FAF2: variants seen among roughly 807,000 people sequenced by gnomAD.
FAF2 encodes Fas associated factor family member 2.
A neutral mutation model predicts 62.3 loss-of-function variants in FAF2; 9 were observed. The ratio of observed to expected loss-of-function variants is 0.14; its 90% CI spans 0.09 to 0.25. The LOEUF (loss-of-function observed/expected upper bound fraction) is 0.25. Among genes scored for constraint, FAF2 ranks in the 10% least tolerant of loss-of-function variants. The pLI, the probability that FAF2 is intolerant of heterozygous loss-of-function variation, is 1.00. For missense variants in FAF2, 368 were observed against 556.2 expected (o/e 0.66, Z 3.40); for synonymous variants, 202 against 198.0 (o/e 1.02, Z -0.17).
intron 1 of FAF2, among the ~76,000 whole-genome samples, chr5:176,455,310 G>A (rs909392089): frequency 6.6e-6 from 1 of 152,000 alleles, no homozygotes; most frequent in African/African-American, 2.4e-5. Context: ...TCGTAGTGGC[G>A]CATGCCTGTG....
At chr5:176,497,942 G>C (rs1454090385) in intron 8 of FAF2, among the ~76,000 whole-genome samples, 1 of 152,154 alleles carries the variant, frequency 6.6e-6, no homozygotes, top group Non-Finnish European at 1.5e-5. Flanking sequence ...TTGAACTCAG[G>C]AGTTTGAGGT....
intron 1 of FAF2, among the ~76,000 whole-genome samples, chr5:176,456,400 A>G (rs1477512837): frequency 1.3e-5 from 2 of 152,164 alleles, no homozygotes; most frequent in Non-Finnish European, 2.9e-5. Flanking sequence ...CTTAAAATGA[A>G]CAACTCAATC....
intron 1 of FAF2, among the ~76,000 whole-genome samples, chr5:176,457,939 G>A (rs1758305147): frequency 6.6e-6 from 1 of 152,144 alleles, no homozygotes. Flanking sequence ...CATATGCATT[G>A]CCACTGCCTC....
At chr5:176,488,701 G>A (rs1375603007) in intron 3 of FAF2, among the ~76,000 whole-genome samples, 5 of 152,150 alleles carry the variant, frequency 3.3e-5, no homozygotes, top group African/African-American at 1.2e-4. Context: ...GGGATTACAG[G>A]CAGGAGATAC....
At chr5:176,505,731 A>C (rs918675812) in intron 10 of FAF2, among the ~76,000 whole-genome samples, 2 of 152,114 alleles carry the variant, frequency 1.3e-5, no homozygotes, top group Admixed American at 1.3e-4. Flanking sequence ...TTCCATTTCT[A>C]CTTACTTCGC....
chr5:176,459,250 CTTTTTTTTT>C (rs11386560), intron 1 of FAF2, among the ~76,000 whole-genome samples: 2 of 116,422 alleles, frequency 1.7e-5, no homozygotes, highest in Admixed American at 1.0e-4. Flanking sequence ...TCCAGTTAAC[CTTTTTTTTT>C]TTTTTTTTTT....
chr5:176,490,838 TGAG>T (rs1758960582), intron 4 of FAF2, among the ~76,000 whole-genome samples: 2 of 54,338 alleles, frequency 3.7e-5, no homozygotes, highest in African/African-American at 1.6e-4. Context: ...TATTGTGTAA[TGAG>T]GAAAAAAAAA....
chr5:176,489,715 T>G (rs140079721), intron 4 of FAF2, among the ~76,000 whole-genome samples: 2,067 of 152,150 alleles, frequency 0.014, 46 homozygotes, highest in African/African-American at 0.047. Flanking sequence ...TTTTTGTATT[T>G]TTAGTAGAGA....
chr5:176,495,534 C>T (rs1336727942), intron 7 of FAF2, among the ~76,000 whole-genome samples: 1 of 134,150 alleles, frequency 7.5e-6, no homozygotes, highest in South Asian at 2.3e-4. Flanking sequence ...TTTTTTGAGA[C>T]CAAGTTTTAC....
Position 176,488,876 on chromosome 5 carries a change from A to G in FAF2, c.268-75A>G. On this transcript the variant is annotated intron_variant, in intron 3 of 10. Coordinates refer to ENST00000261942, the MANE Select transcript of FAF2 (RefSeq NM_014613.3). ...ACATGGAAGGACCAAAAAGAGTGAG[A>G]AAATCTGACCTAGCCATTTGATAAA... The G allele has an allele frequency of 4.1e-6, 5 of 1,226,474 alleles. 2 individuals are homozygous for G. The South Asian group carries it at 6.2e-5, about 15-fold the overall frequency. The allele number at this position is 1,226,474 out of a possible 1,614,324, so 76.0% of individuals were successfully genotyped here.
chr5:176,506,941 T>C lies in FAF2; in HGVS notation c.1329T>C (p.Thr443=). Residue 443 remains threonine, a synonymous_variant, in exon 11 of 11, where the codon ACT becomes ACC. Coordinates refer to ENST00000261942, the MANE Select transcript of FAF2 (RefSeq NM_014613.3). The part of the protein sequence containing the change: ...HTEVLFVQDL[T]DE Reference sequence around the variant, plus strand: ...AAGTTCTTTTTGTTCAGGACCTAACTGACGAATGACATTTTTTTCTTCCTG... The same window carrying C: ...AAGTTCTTTTTGTTCAGGACCTAACCGACGAATGACATTTTTTTCTTCCTG... 1 of 1,528,106 alleles carries C rather than the reference T, an allele frequency of 6.5e-7. No homozygotes were observed. 94.7% of individuals were successfully genotyped at this position (1,528,106 alleles called of 1,614,324 possible).
chr5:176,483,930 C>T (rs538271903), intron 2 of FAF2, among the ~76,000 whole-genome samples: 1 of 152,088 alleles, frequency 6.6e-6, no homozygotes, highest in African/African-American at 2.4e-5. Flanking sequence ...CAAAAATTAG[C>T]TGTGTGTGGC....
rs55981414 is a variant in FAF2 at position 176,495,510 on chromosome 5, A to AT, written c.662-957dup. 1.6e-3 allele frequency among the ~76,000 whole-genome samples: 210 copies of AT among 132,892 alleles called. 2 individuals carry two copies. Among genetic ancestry groups the AT allele is most frequent in the Middle Eastern group, 3.8e-3 (1 of 266 alleles). 87.2% of individuals were successfully genotyped at this position (132,892 alleles called of 152,430 possible). A position where few individuals can be genotyped will look rare whatever the true frequency, so the allele number is the denominator to read the frequency against. On this transcript the variant is annotated intron_variant, in intron 7 of 10. Transcript: ENST00000261942. ...AAAAATCTTGGTCATTTGGACACCA[A>AT]TTTTTTTTTTTTTTTTTTTGAGACC...
At chr5:176,468,446 T>G (rs1367776981) in intron 1 of FAF2, among the ~76,000 whole-genome samples, 2 of 151,886 alleles carry the variant, frequency 1.3e-5, no homozygotes, top group African/African-American at 4.8e-5. Flanking sequence ...TAGGCGGGCG[T>G]GGTCGTGGGC....
rs918013909 is a variant in FAF2 at position 176,467,030 on chromosome 5, T to C, written c.64-12158T>C. On this transcript the variant is annotated intron_variant, in intron 1 of 10. Coordinates refer to ENST00000261942, the MANE Select transcript of FAF2 (RefSeq NM_014613.3). ...GTCAGTTTATGGAAGGGGAGTCATC[T>C]CTGAAGGGAGGAGGAAGGAGGGAAA... Among the ~76,000 whole-genome samples, 7 of 152,086 alleles carry C rather than the reference T, an allele frequency of 4.6e-5. No homozygotes were observed. In the East Asian group the frequency reaches 1.4e-3, roughly 29 times the overall value.
At chr5:176,496,199 C>T (rs1355301637) in intron 7 of FAF2, among the ~76,000 whole-genome samples, 1 of 152,156 alleles carries the variant, frequency 6.6e-6, no homozygotes, top group Non-Finnish European at 1.5e-5. Context: ...CTGGGAGGAA[C>T]TGGGCATGGT....
intron 10 of FAF2, among the ~76,000 whole-genome samples, chr5:176,504,962 G>A (rs1755651444): frequency 6.6e-6 from 1 of 151,378 alleles, no homozygotes; most frequent in African/African-American, 2.4e-5. Context: ...GGTCGAGGCT[G>A]CAGTGAGTCG....
At chr5:176,457,272 T>A (rs1293657378) in intron 1 of FAF2, among the ~76,000 whole-genome samples, 1 of 152,164 alleles carries the variant, frequency 6.6e-6, no homozygotes, top group Admixed American at 6.5e-5. Context: ...CACTACAACC[T>A]TTGTCTCCCA....
chr5:176,482,962 C>T (rs893848599), intron 2 of FAF2, among the ~76,000 whole-genome samples: 3 of 151,794 alleles, frequency 2.0e-5, no homozygotes, highest in Non-Finnish European at 4.4e-5. Context: ...GGTCTCTTGA[C>T]CTTGTGATCC....
Sources: allele counts gnomAD v4.1 joint callset (sites outside exome capture counted in the v4.1 genomes callset), GRCh38; gene constraint gnomAD v4.1.1; transcripts MANE v1.5; gene names NCBI Gene and HGNC (gene_info 2026-07-23, HGNC 2026-07-21).